Variants in TTN observed in about 807,000 individuals in gnomAD.
TTN encodes titin.
A neutral mutation model predicts 3,223.0 loss-of-function variants in TTN; 1,525 were observed. That is an observed-to-expected ratio of 0.47 (90% CI 0.45 to 0.49). The LOEUF (loss-of-function observed/expected upper bound fraction) is 0.49, where lower values mean the gene tolerates loss of function less well. TTN is among the 20% of genes least tolerant of loss of function. The pLI, the probability that TTN is intolerant of heterozygous loss-of-function variation, is 0.00. For synonymous variants in TTN, 14,094 were observed against 15,161.0 expected (o/e 0.93, Z 5.17); for missense variants, 40,786 against 43,424.0 (o/e 0.94, Z 5.40).
chr2:178,777,924 T>C lies in TTN; in HGVS notation c.4260A>G (p.Ala1420=), dbSNP rs1451444624. 1 of 1,613,994 alleles carries C rather than the reference T, an allele frequency of 6.2e-7. No individual in the cohort carries two copies. The change falls in exon 25 of 363, where the codon GCA becomes GCG. Residue 1420 remains alanine, a synonymous_variant. Coordinates refer to ENST00000589042, the MANE Select transcript of TTN (RefSeq NM_001267550.2). The part of the protein sequence containing the change: ...VSRSPIRMSP[A]RMSPARMSPA... ...GAGACATCCTTGCAGGTGACATCCG[T>C]GCAGGAGACATGCGTATAGGAGACC...
chr2:178,612,115 G>A lies in TTN; in HGVS notation c.50296C>T (p.Arg16766Ter), dbSNP rs754866489. ...GGCTCCCACTTTAGGTCAACATGTC[G>A]TTTTGTCACATCAACCACTGCCAGG... is the stretch of plus-strand genomic sequence containing the variant. ...YALAVVDVTK[R>*]HVDLKWEPPK... The change falls in exon 267 of 363, where the codon CGA (arginine) becomes TGA (stop). Residue 16766 changes from arginine to a stop codon, truncating the protein, a stop_gained. Coordinates refer to ENST00000589042, the MANE Select transcript of TTN (RefSeq NM_001267550.2). LOFTEE classifies it high-confidence loss of function. 7 of 1,611,924 alleles carry A rather than the reference G, an allele frequency of 4.3e-6. No homozygotes were observed. Among genetic ancestry groups the A allele is most frequent in the Non-Finnish European group, 5.1e-6 (6 of 1,178,944 alleles).
Position 178,576,455 on chromosome 2 carries a change from G to A in TTN, c.69716-39C>T, listed in dbSNP as rs758156417. 1.9e-6 allele frequency: 3 copies of A among 1,589,684 alleles called. No homozygotes were observed. The highest frequency in any genetic ancestry group is 2.6e-6 in the Non-Finnish European group (3 of 1,173,828). ...AAAGACACAAAAGTATATATTCAGA[G>A]TTTGGCTTTTGGGTAATTTAGATAA... On this transcript the variant is annotated intron_variant, in intron 325 of 362. Coordinates refer to ENST00000589042, the MANE Select transcript of TTN (RefSeq NM_001267550.2). The surrounding 1 kb of genome is among the most constrained non-coding windows in gnomAD (Gnocchi z 4.3).
At chr2:178,745,334 A>T in intron 47 of TTN, 1 of 1,335,492 alleles carries the variant, frequency 7.5e-7, no homozygotes. Context: ...AGCCAAGGAG[A>T]GATTTAATTG....
chr2:178,676,979 G>C lies in TTN; in HGVS notation c.34378+222C>G, dbSNP rs1446850616. Among the ~76,000 whole-genome samples, 12 of 151,624 alleles carry C rather than the reference G, an allele frequency of 7.9e-5. No homozygotes were observed. In the East Asian group the frequency reaches 1.4e-3, roughly 17 times the overall value. On this transcript the variant is annotated intron_variant, in intron 147 of 362. Transcript: ENST00000589042. ...CAAATGATATGAAATCAGAACTTTT[G>C]TATCAGTTCTGGGACAATGCTTCCT...
chr2:178,770,093 G>T lies in TTN; in HGVS notation c.8608C>A (p.Gln2870Lys). The T allele has an allele frequency of 6.2e-7, 1 of 1,614,102 alleles. No homozygotes were observed. Among genetic ancestry groups the T allele is most frequent in the Non-Finnish European group, 8.5e-7 (1 of 1,180,006 alleles). Reference sequence around the variant, plus strand: ...AACAGTTTTGCTTTGCATTCCAATTGCCCGACCACAGCTGTGTATTCCCCA... The same window carrying T: ...AACAGTTTTGCTTTGCATTCCAATTTCCCGACCACAGCTGTGTATTCCCCA... The part of the protein sequence containing the change: ...DAGEYTAVVG[Q>K]LECKAKLFVE... Residue 2870 changes from glutamine to lysine, a missense_variant, in exon 36 of 363, where the codon CAA becomes AAA. Transcript: ENST00000589042.
rs144963736 is a variant in TTN at position 178,534,512 on chromosome 2, C to A, written c.102103G>T (p.Asp34035Tyr). The A allele has an allele frequency of 6.2e-7, 1 of 1,613,666 alleles. No homozygotes were observed. Among genetic ancestry groups the A allele is most frequent in the Non-Finnish European group, 8.5e-7 (1 of 1,179,802 alleles). The change falls in exon 358 of 363, where the codon GAT becomes TAT. Residue 34035 changes from aspartate to tyrosine, a missense_variant. Asp to Tyr is a radical substitution (Grantham distance 160, BLOSUM62 -3). Coordinates refer to ENST00000589042, the MANE Select transcript of TTN (RefSeq NM_001267550.2). The stretch of plus-strand genomic sequence containing the variant: ...CTAATCTCTTTGAATGCTTCCTCAT[C>A]GAAAGTATATTCAGCATTCATGATA... The part of the protein sequence containing the change: ...ENIMNAEYTF[D>Y]EEAFKEISIE...
At position 178,597,800 on chromosome 2, in the gene TTN, T is replaced by C; in HGVS notation, c.57282A>G (p.Leu19094=). The C allele has an allele frequency of 6.2e-7, 1 of 1,613,180 alleles. No individual in the cohort carries two copies. The highest frequency in any genetic ancestry group is 1.1e-5 in the South Asian group (1 of 91,044). The change falls in exon 294 of 363, where the codon CTA becomes CTG. Residue 19094 remains leucine, a synonymous_variant. Coordinates refer to ENST00000589042, the MANE Select transcript of TTN (RefSeq NM_001267550.2). ...KDRLVSPDLQ[L]DASVRDRIVV... ...CAATTCTATCTCTGACACTGGCATC[T>C]AGCTGAAGGTCAGGTGAAACTGGAA...
rs1458855369 is a variant in TTN at position 178,739,497 on chromosome 2, G to A, written c.13736C>T (p.Ser4579Phe). 6.2e-7 allele frequency: 1 copy of A among 1,613,768 alleles called. No homozygotes were observed. ...SLKPSEEKEE[S>F]SSESGTEEVA... ...CTCCTCAGTACCACTTTCAGAGGAAGACTCCTCTTTTTCCTCTGATGGTTT... is the reference window on the plus strand; with the variant it reads ...CTCCTCAGTACCACTTTCAGAGGAAAACTCCTCTTTTTCCTCTGATGGTTT... Residue 4579 changes from serine to phenylalanine, a missense_variant, in exon 48 of 363, where the codon TCT (serine) becomes TTT (phenylalanine). Ser to Phe is a radical substitution (Grantham distance 155). Coordinates refer to ENST00000589042, the MANE Select transcript of TTN (RefSeq NM_001267550.2).
In TTN at chr2:178,535,644, A is replaced by T. The variant is rs747456613; in HGVS notation, c.100971T>A (p.Asn33657Lys). Residue 33657 changes from asparagine (N) to lysine (K), a missense_variant, in exon 358 of 363, where the codon AAT (asparagine) becomes AAA (lysine). Asn to Lys is a moderately conservative substitution (Grantham distance 94). Transcript: ENST00000589042. ...AACCAGCATCTTTTCTCTCTACCCC[A>T]TTGGGGAAAACAAGTGATGTGAAGG... ...TRSFTSLVFP[N>K]GVERKDAGFY... 6.2e-7 allele frequency: 1 copy of T among 1,613,766 alleles called. No individual in the cohort carries two copies. The highest frequency in any genetic ancestry group is 2.2e-5 in the East Asian group (1 of 44,870).
At position 178,585,473 on chromosome 2, in the gene TTN, T is replaced by G. The variant is rs978302292; in HGVS notation, c.64397-126A>C. On this transcript the variant is annotated intron_variant, in intron 308 of 362. Transcript: ENST00000589042. ...TTTTTTTAATATATACTTTAAGTTCTGGGATACATATGCAGAATGTGCAGG... is the reference window on the plus strand; with the variant it reads ...TTTTTTTAATATATACTTTAAGTTCGGGGATACATATGCAGAATGTGCAGG... 6.9e-6 allele frequency: 7 copies of G among 1,020,442 alleles called. No individual in the cohort carries two copies. The African/African-American group carries it at 1.1e-4, about 17-fold the overall frequency. The allele number at this position is 1,020,442 out of a possible 1,614,324, so 63.2% of individuals were successfully genotyped here.
rs965521601 is a variant in TTN at position 178,631,213 on chromosome 2, G to T, written c.43835C>A (p.Ala14612Glu). 1.7e-5 allele frequency: 27 copies of T among 1,612,920 alleles called. No individual in the cohort carries two copies. Among genetic ancestry groups the T allele is most frequent in the Non-Finnish European group, 2.3e-5 (27 of 1,179,534 alleles). ...EVILQCEISK[A>E]DAPVKWFKDG... Reference sequence around the variant, plus strand: ...CTTAAACCATTTCACTGGTGCATCTGCTTTGCTAATTTCACACTGTAGAAT... The same window carrying T: ...CTTAAACCATTTCACTGGTGCATCTTCTTTGCTAATTTCACACTGTAGAAT... The change falls in exon 237 of 363, where the codon GCA becomes GAA. Residue 14612 changes from alanine (A) to glutamate (E), a missense_variant. By Grantham distance (107) the Ala-to-Glu change is moderately radical. Coordinates refer to ENST00000589042, the MANE Select transcript of TTN (RefSeq NM_001267550.2).
At position 178,785,507 on chromosome 2, in the gene TTN, C is replaced by A. The variant is rs80137220; in HGVS notation, c.2493+113G>T. The A allele has an allele frequency of 0.019, 27,907 of 1,489,256 alleles. 340 individuals are homozygous for A. Among genetic ancestry groups the A allele is most frequent in the Middle Eastern group, 0.058 (246 of 4,218 alleles). 92.3% of individuals were successfully genotyped at this position (1,489,256 alleles called of 1,614,324 possible). ...CACTGTGAATGCAAACACACGCACA[C>A]ACACATCACCAAAAAAGAATCCTCC... is the stretch of plus-strand genomic sequence containing the variant. On this transcript the variant is annotated intron_variant, in intron 15 of 362. Transcript: ENST00000589042.
chr2:178,714,280 C>T lies in TTN; in HGVS notation c.26482+12G>A. 6.2e-7 allele frequency: 1 copy of T among 1,607,740 alleles called. No homozygotes were observed. The highest frequency in any genetic ancestry group is 1.1e-5 in the South Asian group (1 of 90,538). On this transcript the variant is annotated intron_variant, in intron 91 of 362. Transcript: ENST00000589042. ...TGCCTTGTATCTGTGATAACATCAT[C>T]TTTTTACTAACCGAGAACGGATAGC...
Position 178,677,168 on chromosome 2 carries a change from TG to T in TTN, c.34378+32del, listed in dbSNP as rs765533034. On this transcript the variant is annotated intron_variant, in intron 147 of 362. Transcript: ENST00000589042. ...ATAATTTATGTGACCAAGCTATGGG[TG>T]AACAATGTGTATTCACTTTGGGGAG... 3.6e-5 allele frequency: 43 copies of T among 1,205,772 alleles called. No individual in the cohort carries two copies. In the African/African-American group the frequency reaches 6.3e-4, roughly 18 times the overall value. 74.7% of individuals were successfully genotyped at this position (1,205,772 alleles called of 1,614,324 possible). A position where few individuals can be genotyped will look rare whatever the true frequency, so the allele number is the denominator to read the frequency against.
In TTN at chr2:178,636,083, C is replaced by T. The variant is rs149059189; in HGVS notation, c.41488G>A (p.Val13830Ile). ...GTCAGAGCCCGCATCAAGCCAATGA[C>T]GCCTGGCACAATTCGGCCAGGTTTC... ...VEKPGRIVPG[V>I]IGLMRALTIN... Residue 13830 changes from valine to isoleucine, a missense_variant, in exon 226 of 363, where the codon GTC becomes ATC. Val to Ile is a conservative substitution (Grantham distance 29, BLOSUM62 3). Transcript: ENST00000589042. The surrounding 1 kb of genome is among the most constrained non-coding windows in gnomAD (Gnocchi z 4.3). The T allele has an allele frequency of 7.8e-5, 126 of 1,613,250 alleles. No homozygotes were observed. In the African/African-American group the frequency reaches 1.3e-3, roughly 16 times the overall value.
In TTN at chr2:178,759,101, C is replaced by T; in HGVS notation, c.10186G>A (p.Glu3396Lys). 1 of 1,614,006 alleles carries T rather than the reference C, an allele frequency of 6.2e-7. No individual in the cohort carries two copies. The highest frequency in any genetic ancestry group is 8.5e-7 in the Non-Finnish European group (1 of 1,179,952). Residue 3396 changes from glutamate to lysine, a missense_variant, in exon 44 of 363, where the codon GAA becomes AAA. Transcript: ENST00000589042. ...PSRFFRMTQFEDTYQLEIAEA... is the reference protein window; with the variant it reads ...PSRFFRMTQFKDTYQLEIAEA... ...GCAATTTCCAGTTGATAAGTGTCTT[C>T]AAATTGAGTCATTCTAAAGAACCGA...
At chr2:178,766,278 G>T in intron 41 of TTN, 103 bp downstream of exon 41, 2 of 932,836 alleles carry the variant, frequency 2.1e-6, no homozygotes, top group South Asian at 1.3e-5. Flanking sequence ...GAATACCATA[G>T]GTTCTTTAGA....
chr2:178,720,082 G>A lies in TTN; in HGVS notation c.23560C>T (p.Gln7854Ter). 1 of 1,613,720 alleles carries A rather than the reference G, an allele frequency of 6.2e-7. No individual in the cohort carries two copies. The highest frequency in any genetic ancestry group is 8.5e-7 in the Non-Finnish European group (1 of 1,179,712). ...ISFIDNIATL[Q>*]LGSPEASNSG... ...TTAGATGCTTCTGGACTCCCCAGCT[G>A]GAGGGTTGCAATGTTATCAATGAAT... The change falls in exon 81 of 363, where the codon CAG (glutamine) becomes TAG (stop). Residue 7854 changes from glutamine (Q) to a stop codon, truncating the protein, a stop_gained. Transcript: ENST00000589042. LOFTEE classifies it high-confidence loss of function.
Position 178,557,558 on chromosome 2 carries a change from A to G in TTN, c.87707-3T>C. The G allele has an allele frequency of 1.9e-6, 3 of 1,613,596 alleles. No individual in the cohort carries two copies. Among genetic ancestry groups the G allele is most frequent in the Non-Finnish European group, 2.5e-6 (3 of 1,179,732 alleles). ...TGTAGATGGTGGTCCAGGTGTTGCT[A>G]CAAAAGAGAGAAATCCTATAGATTA... On this transcript the variant is annotated splice_polypyrimidine_tract_variant and splice_region_variant and intron_variant, in intron 328 of 362. Transcript: ENST00000589042.
Sources: gnomAD v4.1 joint callset for allele counts (sites outside exome capture counted in the v4.1 genomes callset) on GRCh38, gnomAD v4.1.1 for gene constraint, Gnocchi (gnomAD v3.1) non-coding constraint, MANE v1.5 for transcripts, NCBI Gene and HGNC (gene_info 2026-07-23, HGNC 2026-07-21) for gene names.